Variants in GLIS3 observed in about 807,000 individuals in gnomAD.
The protein encoded by GLIS3 is zinc finger protein GLIS3.
In GLIS3, 53 loss-of-function variants were observed where a neutral mutation model predicts 78.6. The observed-to-expected ratio is 0.67, with a 90% CI of 0.54 to 0.85. The LOEUF (loss-of-function observed/expected upper bound fraction) is 0.85. Ranked by LOEUF, GLIS3 falls within the 40% of genes least tolerant of loss-of-function variation. The probability of loss-of-function intolerance (pLI) is 0.00; values close to 1 mark genes in which losing one functional copy is unlikely to be tolerated. For synonymous variants in GLIS3, 684 were observed against 509.9 expected, an observed-to-expected ratio of 1.34 and a Z score of -4.60; for missense variants, 1,703 against 1,231.1, an observed-to-expected ratio of 1.38 and a Z score of -5.74.
At chr9:4,329,643 G>C (rs1241597585) in intron 2 of GLIS3, among the ~76,000 whole-genome samples, 1 of 152,038 alleles carries the variant, frequency 6.6e-6, no homozygotes, top group Non-Finnish European at 1.5e-5. Flanking sequence ...AAGGATCACA[G>C]CATTCCAGGA....
At chr9:3,887,660 G>A (rs1339493735) in intron 7 of GLIS3, among the ~76,000 whole-genome samples, 1 of 152,170 alleles carries the variant, frequency 6.6e-6, no homozygotes, top group African/African-American at 2.4e-5. Flanking sequence ...AGAGGATACA[G>A]GTTTATATGC....
At chr9:4,021,988 T>G (rs1822926147) in intron 4 of GLIS3, among the ~76,000 whole-genome samples, 2 of 152,156 alleles carry the variant, frequency 1.3e-5, no homozygotes, top group African/African-American at 4.8e-5. Flanking sequence ...GTTAGTGTGT[T>G]TGTTTGTTTT....
At chr9:3,948,628 G>T (rs1816460464) in intron 4 of GLIS3, among the ~76,000 whole-genome samples, 1 of 152,096 alleles carries the variant, frequency 6.6e-6, no homozygotes, top group African/African-American at 2.4e-5. Context: ...GAAAAATTCT[G>T]CCTAAAAGTA....
rs1485002019 is a variant in GLIS3, at chr9:3,828,349, C to G, written c.2716G>C (p.Glu906Gln). The change falls in exon 11 of 11, where the codon GAA becomes CAA. Residue 906 changes from glutamate (E) to glutamine (Q), a missense_variant. Coordinates refer to ENST00000381971, the MANE Select transcript of GLIS3 (RefSeq NM_001042413.2). ...LFGESLRSGA[E>Q]DATFLQISTV... is the part of the protein sequence containing the mutation. ...CTGATCTGCAAGAAGGTAGCATCTT[C>G]AGCCCCGCTGCGGAGAGACTCCCCA... 1 of 1,613,900 alleles carries G rather than the reference C, an allele frequency of 6.2e-7. No individual in the cohort carries two copies. Among genetic ancestry groups the G allele is most frequent in the Admixed American group, 1.7e-5 (1 of 60,014 alleles).
the GLIS3 span, among the ~76,000 whole-genome samples, chr9:4,458,655 G>T: frequency 1.3e-5 from 2 of 152,070 alleles, no homozygotes; most frequent in Admixed American, 1.3e-4. Context: ...GGGCATGGTG[G>T]CGCACGTCTG....
At chr9:4,235,580 C>T (rs1822654967) in intron 2 of GLIS3, among the ~76,000 whole-genome samples, 1 of 152,198 alleles carries the variant, frequency 6.6e-6, no homozygotes, top group Admixed American at 6.5e-5. Context: ...CGGCTCTAGA[C>T]TAGCACCCTT....
At chr9:4,447,236 CAG>C in the GLIS3 span, among the ~76,000 whole-genome samples, 14 of 151,962 alleles carry the variant, frequency 9.2e-5, no homozygotes, top group Admixed American at 5.9e-4. Context: ...TTTATAGAGA[CAG>C]GGTCTCACTA....
At chr9:4,113,987 T>C (rs927982819) in intron 4 of GLIS3, among the ~76,000 whole-genome samples, 2 of 150,226 alleles carry the variant, frequency 1.3e-5, no homozygotes, top group Admixed American at 1.3e-4. Context: ...ATAAAATTCA[T>C]CCAGGAAAAA....
At chr9:4,445,752 T>C in the GLIS3 span, among the ~76,000 whole-genome samples, 1 of 152,164 alleles carries the variant, frequency 6.6e-6, no homozygotes, top group Non-Finnish European at 1.5e-5. Context: ...CAACTCAAAC[T>C]TTCCATGCAG....
intron 2 of GLIS3, among the ~76,000 whole-genome samples, chr9:4,137,303 C>A (rs956177564): frequency 6.6e-6 from 1 of 152,112 alleles, no homozygotes; most frequent in Admixed American, 6.5e-5. Context: ...CAATCTCCTA[C>A]CACCTTGTCT....
At chr9:4,409,365 T>C in the GLIS3 span, among the ~76,000 whole-genome samples, 3 of 152,166 alleles carry the variant, frequency 2.0e-5, no homozygotes, top group African/African-American at 4.8e-5. Context: ...AGAATAATGT[T>C]CTCCATTTTT....
At chr9:4,077,497 TTTG>T (rs1423971523) in intron 4 of GLIS3, among the ~76,000 whole-genome samples, 21 of 152,214 alleles carry the variant, frequency 1.4e-4, no homozygotes, top group African/African-American at 4.8e-4. Context: ...GGAAAGAGAT[TTTG>T]TTTTTCTGTC....
intron 2 of GLIS3, among the ~76,000 whole-genome samples, chr9:4,277,232 T>C (rs573059981): frequency 6.6e-6 from 1 of 152,312 alleles, no homozygotes. Flanking sequence ...AGGAAATACT[T>C]TTCCTAAGTA....
chr9:4,139,982 T>C (rs1425555291), intron 2 of GLIS3, among the ~76,000 whole-genome samples: 1 of 152,166 alleles, frequency 6.6e-6, no homozygotes, highest in Non-Finnish European at 1.5e-5. Context: ...GGACTTTTTT[T>C]TCAGTATGTA....
intron 2 of GLIS3, among the ~76,000 whole-genome samples, chr9:4,155,628 CAG>C (rs1834995832): frequency 6.6e-6 from 1 of 152,058 alleles, no homozygotes; most frequent in South Asian, 2.1e-4. Flanking sequence ...TCCTGAATTT[CAG>C]AGAGTCCGAG....
intron 8 of GLIS3, among the ~76,000 whole-genome samples, chr9:3,872,762 G>A (rs557914011): frequency 6.6e-6 from 1 of 152,176 alleles, no homozygotes; most frequent in East Asian, 1.9e-4. Flanking sequence ...CCACACCTGT[G>A]GAATACAGCA....
At chr9:3,849,198 A>G (rs1366284334) in intron 9 of GLIS3, among the ~76,000 whole-genome samples, 1 of 152,236 alleles carries the variant, frequency 6.6e-6, no homozygotes, top group African/African-American at 2.4e-5. Flanking sequence ...AGATGGGAAA[A>G]CATGGGGTAG....
chr9:4,367,741 G>T, the GLIS3 span, among the ~76,000 whole-genome samples: 1 of 149,212 alleles, frequency 6.7e-6, no homozygotes, highest in African/African-American at 2.5e-5. Context: ...CATATTTATT[G>T]AGAGAATACA....
At chr9:4,044,885 T>C (rs1371271796) in intron 4 of GLIS3, among the ~76,000 whole-genome samples, 1 of 152,154 alleles carries the variant, frequency 6.6e-6, no homozygotes, top group Non-Finnish European at 1.5e-5. Context: ...ATAGAATGAG[T>C]AAGAAACAGA....
Sources: gnomAD v4.1 joint callset for allele counts (sites outside exome capture counted in the v4.1 genomes callset) on GRCh38, gnomAD v4.1.1 for gene constraint, MANE v1.5 for transcripts, NCBI Gene and HGNC (gene_info 2026-07-23, HGNC 2026-07-21) for gene names.